Variants in NPTN observed in about 807,000 individuals in gnomAD.
NPTN encodes the protein SDR-1.
A neutral mutation model predicts 42.7 loss-of-function variants in NPTN; 5 were observed. That is an observed-to-expected ratio of 0.12 (90% CI 0.06 to 0.25). The LOEUF (loss-of-function observed/expected upper bound fraction) is 0.25. NPTN is among the 10% of genes least tolerant of loss of function. The pLI is 1.00. For synonymous variants in NPTN, 180 were observed against 201.9 expected (o/e 0.89, Z 0.92); for missense variants, 307 against 525.4 (o/e 0.58, Z 4.06).
intron 6 of NPTN, among the ~76,000 whole-genome samples, chr15:73,564,016 T>C (rs1365553509): frequency 2.0e-5 from 3 of 152,222 alleles, no homozygotes; most frequent in African/African-American, 7.2e-5. Flanking sequence ...GAGATAACTT[T>C]TTTAAAATCA....
At chr15:73,602,910 C>G (rs1897136460) in intron 1 of NPTN, among the ~76,000 whole-genome samples, 1 of 152,210 alleles carries the variant, frequency 6.6e-6, no homozygotes, top group South Asian at 2.1e-4. Context: ...AAACCAGGGT[C>G]CACCCTTTAT....
chr15:73,616,354 C>T (rs535478581), intron 1 of NPTN, among the ~76,000 whole-genome samples: 1 of 152,292 alleles, frequency 6.6e-6, no homozygotes, highest in South Asian at 2.1e-4. Flanking sequence ...CTCTACCCCT[C>T]AAACAGCTCT....
intron 6 of NPTN, chr15:73,568,769 A>G (rs1895192052): frequency 5.1e-6 from 5 of 985,480 alleles, no homozygotes; most frequent in Non-Finnish European, 6.0e-6. Context: ...CTCACTGCTG[A>G]GTGCACATCT....
In NPTN at chr15:73,623,864, T is replaced by G. The variant is rs1000302405; in HGVS notation, c.91+9261A>C. ...AGCTCTTTGTCCTACTTATAATGGT[T>G]CTGACGATGAGTGCAAATAACTCTA... On this transcript the variant is annotated intron_variant, in intron 1 of 8. Coordinates refer to ENST00000345330, the MANE Select transcript of NPTN (RefSeq NM_012428.4). Among the ~76,000 whole-genome samples, 3 of 152,226 alleles carry G rather than the reference T, an allele frequency of 2.0e-5. No individual in the cohort carries two copies. The East Asian group carries it at 5.8e-4, about 29-fold the overall frequency.
chr15:73,578,627 CAGT>C (rs1417322454), intron 4 of NPTN, among the ~76,000 whole-genome samples: 2 of 152,230 alleles, frequency 1.3e-5, no homozygotes, highest in East Asian at 3.9e-4. Flanking sequence ...GACTGAGAAA[CAGT>C]GGTGGTAAAA....
At chr15:73,586,675 ACT>A (rs1285874927) in intron 4 of NPTN, among the ~76,000 whole-genome samples, 1 of 152,160 alleles carries the variant, frequency 6.6e-6, no homozygotes, top group African/African-American at 2.4e-5. Context: ...TCCAGGGATA[ACT>A]CTATGGATTT....
intron 6 of NPTN, among the ~76,000 whole-genome samples, chr15:73,563,901 C>T (rs1271261847): frequency 4.6e-5 from 7 of 152,242 alleles, no homozygotes; most frequent in East Asian, 1.9e-4. Flanking sequence ...TGTGACACAC[C>T]GAGGAAAGCT....
Position 73,597,250 on chromosome 15 carries a change from G to C in NPTN, c.211C>G (p.Arg71Gly). Reference protein sequence around the residue: ...EIQWWYAEVNRAESFRQLWDG... With the variant: ...EIQWWYAEVNGAESFRQLWDG... ...CACAGCTGTCTGAAAGACTCTGCCC[G>C]GTTGACTTCTGCGTACCACCACTGG... The change falls in exon 2 of 9, where the codon CGG (arginine) becomes GGG (glycine). Residue 71 changes from arginine (R) to glycine (G), a missense_variant. By Grantham distance (125) the Arg-to-Gly change is moderately radical. Around this residue, in one of 2 missense-constraint regions of NPTN, gnomAD observed 264 missense variants for 491.1 expected, o/e 0.54. Coordinates refer to ENST00000345330, the MANE Select transcript of NPTN (RefSeq NM_012428.4). This position sits in a 1 kb window ranked among gnomAD's most constrained non-coding sequence, Gnocchi z 6.3. 6.2e-7 allele frequency: 1 copy of C among 1,614,084 alleles called. No homozygotes were observed.
chr15:73,620,564 C>T (rs1898084590), intron 1 of NPTN, among the ~76,000 whole-genome samples: 1 of 152,230 alleles, frequency 6.6e-6, no homozygotes, highest in Non-Finnish European at 1.5e-5. Flanking sequence ...AATTGTCCCG[C>T]TTCCTATACC....
intron 1 of NPTN, among the ~76,000 whole-genome samples, chr15:73,620,261 A>C (rs916558688): frequency 1.3e-5 from 2 of 152,224 alleles, no homozygotes; most frequent in African/African-American, 4.8e-5. Context: ...AAAAGAGTAA[A>C]GGCAAGTCAA....
At chr15:73,631,971 C>A (rs1232205821) in intron 1 of NPTN, among the ~76,000 whole-genome samples, 1 of 152,154 alleles carries the variant, frequency 6.6e-6, no homozygotes, top group Non-Finnish European at 1.5e-5. Context: ...ACTGTACCAC[C>A]TCCCAGGGGC....
At chr15:73,590,504 G>T (rs1896533680) in intron 3 of NPTN, among the ~76,000 whole-genome samples, 1 of 151,762 alleles carries the variant, frequency 6.6e-6, no homozygotes, top group African/African-American at 2.4e-5. Flanking sequence ...GCTCACGCCT[G>T]TAATTCCAGC....
intron 1 of NPTN, among the ~76,000 whole-genome samples, chr15:73,630,506 C>T (rs1232755883): frequency 1.3e-5 from 2 of 152,138 alleles, no homozygotes; most frequent in Non-Finnish European, 2.9e-5. Context: ...AAACAAAATC[C>T]ATCTGAATGA....
At chr15:73,568,931 G>A in intron 6 of NPTN, 16 of 985,518 alleles carry the variant, frequency 1.6e-5, no homozygotes, top group Non-Finnish European at 1.8e-5. Flanking sequence ...CTCCCAGAGA[G>A]TCTAAAGCCA....
chr15:73,580,316 ATG>A (rs1055877776), intron 4 of NPTN, among the ~76,000 whole-genome samples: 3 of 149,798 alleles, frequency 2.0e-5, no homozygotes, highest in Non-Finnish European at 3.0e-5. Flanking sequence ...GCAAATCACC[ATG>A]GCACAAGTAT....
At chr15:73,594,631 A>G (rs1566974544) in intron 2 of NPTN, among the ~76,000 whole-genome samples, 1 of 152,184 alleles carries the variant, frequency 6.6e-6, no homozygotes, top group Admixed American at 6.5e-5. Flanking sequence ...TTTTGTGGCC[A>G]AGCGCTGCCC....
chr15:73,576,213 C>T (rs1008008594), intron 4 of NPTN, among the ~76,000 whole-genome samples: 3 of 152,248 alleles, frequency 2.0e-5, no homozygotes, highest in African/African-American at 7.2e-5. Flanking sequence ...GCACCCACTA[C>T]ACACCAGATA....
intron 1 of NPTN, among the ~76,000 whole-genome samples, chr15:73,629,540 A>T (rs1286528565): frequency 2.0e-5 from 3 of 152,160 alleles, no homozygotes; most frequent in Non-Finnish European, 4.4e-5. Flanking sequence ...ATTATTACAA[A>T]GCACAATGTT....
At chr15:73,567,786 C>T in intron 6 of NPTN, 1 of 985,300 alleles carries the variant, frequency 1.0e-6, no homozygotes, top group South Asian at 4.7e-5. Context: ...GGAGCCTGGC[C>T]CACACTGGCT....
Sources: allele counts gnomAD v4.1 joint callset (sites outside exome capture counted in the v4.1 genomes callset), GRCh38; gene constraint gnomAD v4.1.1; regional missense constraint gnomAD v4.1.1; non-coding constraint Gnocchi (gnomAD v3.1); transcripts MANE v1.5; gene names NCBI Gene and HGNC (gene_info 2026-07-23, HGNC 2026-07-21).